Variants in KRT16 observed in about 807,000 individuals in gnomAD.
KRT16 encodes keratin, type I cytoskeletal 16.
In KRT16, 42 loss-of-function variants were observed where a neutral mutation model predicts 44.8. The observed-to-expected ratio is 0.94, with a 90% CI of 0.73 to 1.21. The LOEUF (loss-of-function observed/expected upper bound fraction) is 1.21, where lower values mean the gene tolerates loss of function less well. KRT16 is among the 50% of genes most tolerant of loss of function. The probability of loss-of-function intolerance (pLI) is 0.00; values close to 1 mark genes in which losing one functional copy is unlikely to be tolerated. For missense variants in KRT16, 561 were observed against 626.9 expected (o/e 0.89, Z 1.12); for synonymous variants, 226 against 260.4 (o/e 0.87, Z 1.27).
chr17:41,612,393 C>T lies in KRT16; in HGVS notation c.296G>A (p.Gly99Asp), dbSNP rs1908235657. 6.2e-7 allele frequency: 1 copy of T among 1,614,132 alleles called. No homozygotes were observed. The highest frequency in any genetic ancestry group is 8.5e-7 in the Non-Finnish European group (1 of 1,180,014). The part of the protein sequence containing the change: ...GLGAGFGGGL[G>D]AGFGGGFAGG... ...AGCAAAACCACCACCAAAGCCAGCACCCAAGCCACCACCGAAGCCAGCACC... is the reference window on the plus strand; with the variant it reads ...AGCAAAACCACCACCAAAGCCAGCATCCAAGCCACCACCGAAGCCAGCACC... Residue 99 changes from glycine (G) to aspartate (D), a missense_variant, in exon 1 of 8, where the codon GGT becomes GAT. Physicochemically the swap from Gly to Asp is moderately conservative, Grantham distance 94. Coordinates refer to ENST00000301653, the MANE Select transcript of KRT16 (RefSeq NM_005557.4).
Position 41,612,173 on chromosome 17 carries a change from C to G in KRT16, c.516G>C (p.Glu172Asp), listed in dbSNP as rs1418465945. ...AGTCACCCACCTTGTTCCTCAGGTC[C>G]TCGATGGTCTTGAAGTAGGGACTGT... ...KDYSPYFKTI[E>D]DLRNKIIAAT... is the part of the protein sequence containing the mutation. The change falls in exon 1 of 8, where the codon GAG (glutamate) becomes GAC (aspartate). Residue 172 changes from glutamate to aspartate, a missense_variant. Coordinates refer to ENST00000301653, the MANE Select transcript of KRT16 (RefSeq NM_005557.4). 1.2e-6 allele frequency: 2 copies of G among 1,612,180 alleles called. No homozygotes were observed. The highest frequency in any genetic ancestry group is 3.3e-5 in the Admixed American group (2 of 59,996).
At chr17:41,610,789 T>G in intron 5 of KRT16, 65 bp downstream of exon 5, 3 of 1,610,632 alleles carry the variant, frequency 1.9e-6, no homozygotes, top group Non-Finnish European at 2.5e-6. Flanking sequence ...AGACTGTGGC[T>G]TTTTGAGGGG....
chr17:41,612,178 T>A lies in KRT16; in HGVS notation c.511A>T (p.Ile171Phe). The change falls in exon 1 of 8, where the codon ATC becomes TTC. Residue 171 changes from isoleucine (I) to phenylalanine (F), a missense_variant. Ile to Phe is a conservative substitution (Grantham distance 21). Transcript: ENST00000301653. ...CCCACCTTGTTCCTCAGGTCCTCGA[T>A]GGTCTTGAAGTAGGGACTGTAGTCT... ...IKDYSPYFKT[I>F]EDLRNKIIAA... 1 of 1,612,388 alleles carries A rather than the reference T, an allele frequency of 6.2e-7. No homozygotes were observed. The highest frequency in any genetic ancestry group is 8.5e-7 in the Non-Finnish European group (1 of 1,179,932).
At chr17:41,611,289 C>T (rs1908187469) in intron 3 of KRT16, 56 bp downstream of exon 3, 1 of 1,613,870 alleles carries the variant, frequency 6.2e-7, no homozygotes, top group Middle Eastern at 1.7e-4. Context: ...GCCCTGGGTG[C>T]ATCTGGCAAC....
chr17:41,611,852 T>C, intron 1 of KRT16, 131 bp from the exon 2 acceptor site: 1 of 913,592 alleles, frequency 1.1e-6, no homozygotes, highest in African/African-American at 1.6e-5. Context: ...TGGCATGCCT[T>C]CTCCACCAGC....
intron 6 of KRT16, 46 bp from the exon 7 acceptor site, chr17:41,610,282 A>T (rs1908139859): frequency 1.9e-6 from 3 of 1,613,640 alleles, no homozygotes; most frequent in African/African-American, 1.3e-5. Context: ...TGAGAGCAGC[A>T]GGGGGGCTAA....
intron 5 of KRT16, 36 bp downstream of exon 5, chr17:41,610,818 G>T: frequency 6.2e-7 from 1 of 1,612,934 alleles, no homozygotes; most frequent in Non-Finnish European, 8.5e-7. Context: ...CATTACTGGT[G>T]ACTTGGGGGC....
chr17:41,611,311 A>G (rs1908188378), intron 3 of KRT16, 34 bp downstream of exon 3: 4 of 1,613,750 alleles, frequency 2.5e-6, no homozygotes, highest in Middle Eastern at 1.6e-4. Flanking sequence ...CCACCAAACC[A>G]GCCTCCCACC....
In KRT16 at chr17:41,612,606, G is replaced by A; in HGVS notation, c.83C>T (p.Ser28Phe). The A allele has an allele frequency of 1.9e-6, 3 of 1,596,890 alleles. No homozygotes were observed. Among genetic ancestry groups the A allele is most frequent in the Non-Finnish European group, 1.7e-6 (2 of 1,172,574 alleles). ...GGCCAGGACGGAGGAGATGCGGCTG[G>A]AGCCGCCCCCGATGCCGCCTCCGAT... is the stretch of plus-strand genomic sequence containing the variant. ...CGIGGGIGGG[S>F]SRISSVLAGG... is the part of the protein sequence containing the mutation. Residue 28 changes from serine to phenylalanine, a missense_variant, in exon 1 of 8, where the codon TCC becomes TTC. By Grantham distance (155) the Ser-to-Phe change is radical. Transcript: ENST00000301653.
At position 41,612,695 on chromosome 17, in the gene KRT16, A is replaced by G. The variant is rs781398796; in HGVS notation, c.-7T>C. The G allele has an allele frequency of 5.0e-6, 8 of 1,588,624 alleles. No homozygotes were observed. The highest frequency in any genetic ancestry group is 6.8e-6 in the Non-Finnish European group (8 of 1,169,310). On this transcript the variant is annotated 5_prime_UTR_variant, in exon 1 of 8. Coordinates refer to ENST00000301653, the MANE Select transcript of KRT16 (RefSeq NM_005557.4). Reference sequence around the variant, plus strand: ...GGCGGCTGCAGGTGGTCATGGTGCCAAGGAGGGAGGTGAGCGAGTGAGCAG... The same window carrying G: ...GGCGGCTGCAGGTGGTCATGGTGCCGAGGAGGGAGGTGAGCGAGTGAGCAG...
chr17:41,612,634 CG>C lies in KRT16; in HGVS notation c.54del (p.Cys18TrpfsTer102), dbSNP rs1908250045. The C allele has an allele frequency of 6.2e-7, 1 of 1,600,034 alleles. No homozygotes were observed. Among genetic ancestry groups the C allele is most frequent in the Admixed American group, 1.7e-5 (1 of 58,380 alleles). On this transcript the variant is annotated frameshift_variant, in exon 1 of 8. Coordinates refer to ENST00000301653, the MANE Select transcript of KRT16 (RefSeq NM_005557.4). LOFTEE classifies it high-confidence loss of function. Reference sequence around the variant, plus strand: ...CCGCCCCCGATGCCGCCTCCGATGCCGCAGGAGCCCTTCATGGAGCTGGAGG... The same window carrying C: ...CCGCCCCCGATGCCGCCTCCGATGCCCAGGAGCCCTTCATGGAGCTGGAGG... ...FTSSSSMKGS[C>X]GIGGGIGGGS... is the part of the protein sequence containing the mutation.
chr17:41,611,786 G>T, intron 1 of KRT16, 65 bp from the exon 2 acceptor site: 1 of 1,452,192 alleles, frequency 6.9e-7, no homozygotes, highest in Non-Finnish European at 9.5e-7. Flanking sequence ...AGCATGAAAG[G>T]CAGAAAGGGG....
At chr17:41,610,136 C>T in intron 7 of KRT16, 54 bp downstream of exon 7, 1 of 1,608,266 alleles carries the variant, frequency 6.2e-7, no homozygotes, top group Non-Finnish European at 8.5e-7. Context: ...CCAGCCCCCA[C>T]TCCATGGAAA....
In KRT16 at chr17:41,610,192, T is replaced by A. The variant is rs1194449976; in HGVS notation, c.1325A>T (p.Glu442Val). 3.1e-6 allele frequency: 5 copies of A among 1,613,774 alleles called. No homozygotes were observed. The highest frequency in any genetic ancestry group is 4.2e-6 in the Non-Finnish European group (5 of 1,179,854). ...QASGQSYSSR[E>V]VFTSSSSSSS... is the part of the protein sequence containing the mutation. ...CCGGGGAGCCTCAGAAGCCTTACCC[T>A]CGCGGGAAGAATAGGATTGGCCAGA... The change falls in exon 7 of 8, where the codon GAG becomes GTG. Residue 442 changes from glutamate (E) to valine (V), a missense_variant and splice_region_variant. Glu to Val is a moderately radical substitution (Grantham distance 121, BLOSUM62 -2). Transcript: ENST00000301653.
chr17:41,609,825 G>C lies in KRT16; in HGVS notation c.*110C>G. On this transcript the variant is annotated 3_prime_UTR_variant, in exon 8 of 8. Coordinates refer to ENST00000301653, the MANE Select transcript of KRT16 (RefSeq NM_005557.4). ...CTTTATTAGCCCACCACCAGCAGAGGAGCAGGGGAGATAGCTGGGAACTGC... is the reference window on the plus strand; with the variant it reads ...CTTTATTAGCCCACCACCAGCAGAGCAGCAGGGGAGATAGCTGGGAACTGC... 1.2e-6 allele frequency: 1 copy of C among 844,908 alleles called. No homozygotes were observed. 52.3% of individuals were successfully genotyped at this position (844,908 alleles called of 1,614,324 possible).
intron 5 of KRT16, 38 bp downstream of exon 5, chr17:41,610,816 G>A: frequency 1.2e-6 from 2 of 1,612,908 alleles, no homozygotes; most frequent in Non-Finnish European, 1.7e-6. Flanking sequence ...GCCATTACTG[G>A]TGACTTGGGG....
rs371718644 is a variant in KRT16, at chr17:41,611,059, C to A, written c.933+10G>T. On this transcript the variant is annotated intron_variant, in intron 4 of 7. Coordinates refer to ENST00000301653, the MANE Select transcript of KRT16 (RefSeq NM_005557.4). ...AAGTGCTGCAGGCTCACTGCGGGCC[C>A]GAGCCCCACCTTGCTCAGGAACCAG... 1.9e-6 allele frequency: 3 copies of A among 1,614,018 alleles called. No homozygotes were observed. The highest frequency in any genetic ancestry group is 1.7e-6 in the Non-Finnish European group (2 of 1,179,860).
rs553943127 is a variant in KRT16 at position 41,611,459 on chromosome 17, G to T, written c.657C>A (p.Asp219Glu). Residue 219 changes from aspartate to glutamate, a missense_variant, in exon 3 of 8, where the codon GAC (aspartate) becomes GAA (glutamate). Coordinates refer to ENST00000301653, the MANE Select transcript of KRT16 (RefSeq NM_005557.4). The stretch of plus-strand genomic sequence containing the variant: ...CCAACACCCGGCGCAGGCCATTGAC[G>T]TCGGCCTCCACAGTCTGCCGCAGGG... The part of the protein sequence containing the change: ...ELALRQTVEA[D>E]VNGLRRVLDE... 6.2e-7 allele frequency: 1 copy of T among 1,613,984 alleles called. No individual in the cohort carries two copies. The highest frequency in any genetic ancestry group is 8.5e-7 in the Non-Finnish European group (1 of 1,180,046).
At chr17:41,611,563 G>C (rs1908200418) in intron 2 of KRT16, 62 bp from the exon 3 acceptor site, 1 of 1,607,060 alleles carries the variant, frequency 6.2e-7, no homozygotes, top group South Asian at 1.1e-5. Context: ...CTCGGGGTCT[G>C]CTGGCCCTGC....
Sources: allele counts gnomAD v4.1 joint callset, GRCh38; gene constraint gnomAD v4.1.1; transcripts MANE v1.5; gene names NCBI Gene and HGNC (gene_info 2026-07-23, HGNC 2026-07-21).